Variants in CDKL3 observed in about 807,000 individuals in gnomAD.
CDKL3 encodes the protein cyclin dependent kinase like 3.
Under a neutral mutation model 69.3 loss-of-function variants are expected in CDKL3, and 65 were observed. That is an observed-to-expected ratio of 0.94 (90% CI 0.77 to 1.15). The LOEUF (loss-of-function observed/expected upper bound fraction) is 1.15. CDKL3 is among the 50% of genes most tolerant of loss of function. CDKL3 has a pLI of 0.00. For missense variants in CDKL3, 652 were observed against 689.2 expected (o/e 0.95, Z 0.61); for synonymous variants, 202 against 221.6 (o/e 0.91, Z 0.79).
intron 8 of CDKL3, 50 bp downstream of exon 8, chr5:134,308,524 T>C: frequency 6.4e-7 from 1 of 1,552,904 alleles, no homozygotes. Context: ...GTCATTAGAG[T>C]CTAACTATAA....
intron 10 of CDKL3, among the ~76,000 whole-genome samples, chr5:134,305,436 A>AT (rs1180825250): frequency 6.6e-6 from 1 of 152,090 alleles, no homozygotes; most frequent in African/African-American, 2.4e-5. Context: ...TTAACTTTTC[A>AT]TTTTTAATAC....
upstream of CDKL3, chr5:134,367,338 C>T (rs1407481173): frequency 1.3e-6 from 1 of 777,264 alleles, no homozygotes; most frequent in African/African-American, 2.0e-5. Context: ...CACAAGGTTG[C>T]TTTTGAATGT....
At chr5:134,302,102 C>G (rs1350816583) in intron 12 of CDKL3, 11 of 454,296 alleles carry the variant, frequency 2.4e-5, no homozygotes, top group South Asian at 1.6e-4. Flanking sequence ...GAGAATCTCT[C>G]TGGTGGGTAG....
rs763996104 is a variant in CDKL3 at position 134,308,219 on chromosome 5, A to T, written c.1283T>A (p.Val428Glu). ...LKENPHCGGS[V>E]TMPPINLTNS... ...AGTTAGATTGATGGGTGGCATTGTC[A>T]CAGAACCTCCGCAATGTGGATTTTC... The change falls in exon 9 of 13, where the codon GTG (valine) becomes GAG (glutamate). Residue 428 changes from valine to glutamate, a missense_variant. By Grantham distance (121) the Val-to-Glu change is moderately radical. Transcript: ENST00000265334. 1 of 1,613,962 alleles carries T rather than the reference A, an allele frequency of 6.2e-7. No homozygotes were observed.
chr5:134,302,343 C>A (rs17165388), intron 12 of CDKL3: 57,648 of 461,808 alleles, frequency 0.12, 4,026 homozygotes, highest in Non-Finnish European at 0.15. Flanking sequence ...ACACTACACA[C>A]AATACAGATA....
chr5:134,352,992 T>C (rs1420042069), intron 3 of CDKL3, among the ~76,000 whole-genome samples: 1 of 152,190 alleles, frequency 6.6e-6, no homozygotes, highest in Non-Finnish European at 1.5e-5. Context: ...TAAAAAATAA[T>C]TGCCCAGATC....
intron 4 of CDKL3, among the ~76,000 whole-genome samples, chr5:134,326,539 G>A (rs1281246372): frequency 6.6e-6 from 1 of 151,764 alleles, no homozygotes; most frequent in Non-Finnish European, 1.5e-5. Context: ...AACATGTAGG[G>A]GTAAGGAAGG....
intron 11 of CDKL3, among the ~76,000 whole-genome samples, chr5:134,303,242 C>T (rs570037726): frequency 2.0e-5 from 3 of 152,128 alleles, no homozygotes; most frequent in South Asian, 4.2e-4. Flanking sequence ...CAGGCATGAG[C>T]CACCATGCCT....
chr5:134,302,373 T>C (rs904277453), intron 12 of CDKL3, among the ~76,000 whole-genome samples: 10 of 152,230 alleles, frequency 6.6e-5, no homozygotes, highest in Non-Finnish European at 1.2e-4. Context: ...CTGGGTGCCA[T>C]GCATTCTAAT....
chr5:134,289,586 T>A (rs183948090), intron 8 of CDKL3, among the ~76,000 whole-genome samples: 1 of 152,228 alleles, frequency 6.6e-6, no homozygotes, highest in Admixed American at 6.5e-5. Flanking sequence ...ATCTAGGGGA[T>A]TTAGACCAAA....
At chr5:134,308,008 T>A in intron 9 of CDKL3, 130 bp downstream of exon 9, 1 of 1,393,010 alleles carries the variant, frequency 7.2e-7, no homozygotes, top group African/African-American at 1.4e-5. Context: ...AAATGGCCCA[T>A]TATACAGCTT....
intron 4 of CDKL3, among the ~76,000 whole-genome samples, chr5:134,334,889 ATCTG>A (rs1426628745): frequency 2.6e-5 from 4 of 151,988 alleles, no homozygotes; most frequent in East Asian, 3.9e-4. Context: ...TGTCTTGTTG[ATCTG>A]TCTGATATTG....
At chr5:134,338,033 T>C (rs572633910) in intron 4 of CDKL3, among the ~76,000 whole-genome samples, 450 of 152,288 alleles carry the variant, frequency 3.0e-3, no homozygotes, top group African/African-American at 0.01. Flanking sequence ...TAGAGCTGCC[T>C]CTACCTAGGG....
intron 8 of CDKL3, among the ~76,000 whole-genome samples, chr5:134,291,675 G>A (rs1765130092): frequency 6.6e-6 from 1 of 151,940 alleles, no homozygotes; most frequent in Non-Finnish European, 1.5e-5. Flanking sequence ...TTGGGAGGCT[G>A]AGACAGGAGA....
chr5:134,299,818 C>T (rs1456295561), intron 12 of CDKL3: 30 of 1,034,190 alleles, frequency 2.9e-5, no homozygotes, highest in Non-Finnish European at 4.1e-5. Flanking sequence ...GAAATACAGC[C>T]AGAGATAAAT....
At chr5:134,366,851 T>C in intron 1 of CDKL3, 126 bp downstream of exon 1, 1 of 989,848 alleles carries the variant, frequency 1.0e-6, no homozygotes, top group South Asian at 3.4e-5. Flanking sequence ...TCCCTACACT[T>C]CCTGTCATGT....
At chr5:134,317,969 C>CA (rs1413043159) in intron 6 of CDKL3, among the ~76,000 whole-genome samples, 2 of 151,956 alleles carry the variant, frequency 1.3e-5, no homozygotes, top group African/African-American at 4.8e-5. Context: ...CCTGTAATCC[C>CA]AGCACTTTGG....
intron 4 of CDKL3, among the ~76,000 whole-genome samples, chr5:134,323,833 T>A (rs1327886951): frequency 1.3e-5 from 2 of 152,106 alleles, no homozygotes; most frequent in East Asian, 3.8e-4. Context: ...ACCAAAAGTA[T>A]AATTCACAAA....
At chr5:134,286,699 G>A (rs1764881528) in intron 8 of CDKL3, 1 of 152,342 alleles carries the variant, frequency 6.6e-6, no homozygotes. Flanking sequence ...AAAAGAGAGG[G>A]AGCTTGTGCA....
Sources: allele counts gnomAD v4.1 joint callset (sites outside exome capture counted in the v4.1 genomes callset), GRCh38; gene constraint gnomAD v4.1.1; transcripts MANE v1.5; gene names NCBI Gene and HGNC (gene_info 2026-07-23, HGNC 2026-07-21).